Variants in ABCC4 observed in about 807,000 individuals in gnomAD.
The protein encoded by ABCC4 is ATP binding cassette subfamily C member 4 (PEL blood group), also known as ATP-binding cassette sub-family C member 4.
In ABCC4, 102 loss-of-function variants were observed where a neutral mutation model predicts 168.5. The ratio of observed to expected loss-of-function variants is 0.61; its 90% CI spans 0.52 to 0.71. The LOEUF is 0.71. Ranked by LOEUF, ABCC4 falls within the 30% of genes least tolerant of loss-of-function variation. ABCC4 has a pLI of 0.00. For synonymous variants in ABCC4, 617 were observed against 590.7 expected (o/e 1.04, Z -0.65); for missense variants, 1,402 against 1,605.8 (o/e 0.87, Z 2.17).
chr13:95,196,680 GGAA>G (rs2038455567), intron 8 of ABCC4, among the ~76,000 whole-genome samples: 2 of 40,504 alleles, frequency 4.9e-5, no homozygotes, highest in African/African-American at 2.0e-4. Context: ...AAGGAAGGAA[GGAA>G]GGAAGGAAGG....
chr13:95,140,482 A>G (rs752492809), intron 19 of ABCC4, among the ~76,000 whole-genome samples: 2 of 152,260 alleles, frequency 1.3e-5, no homozygotes, highest in Non-Finnish European at 2.9e-5. Context: ...ACAGATAGTT[A>G]AAAAGATATC....
intron 29 of ABCC4, among the ~76,000 whole-genome samples, chr13:95,041,189 A>C (rs2032342717): frequency 6.6e-6 from 1 of 152,266 alleles, no homozygotes; most frequent in African/African-American, 2.4e-5. Context: ...AATGAAGATT[A>C]AATTAGCTGT....
chr13:95,085,447 A>AAAAC (rs760172961), intron 20 of ABCC4, among the ~76,000 whole-genome samples: 9 of 152,220 alleles, frequency 5.9e-5, no homozygotes, highest in Admixed American at 2.0e-4. Flanking sequence ...CTCAAAAAAC[A>AAAAC]AAACAAACAA....
At chr13:95,132,944 G>A (rs182532117) in intron 19 of ABCC4, among the ~76,000 whole-genome samples, 2 of 152,108 alleles carry the variant, frequency 1.3e-5, no homozygotes, top group Non-Finnish European at 2.9e-5. Flanking sequence ...GTGTTTAATG[G>A]GTCCTGGGTT....
chr13:95,118,564 C>T (rs1265616832), intron 19 of ABCC4, among the ~76,000 whole-genome samples: 11 of 152,116 alleles, frequency 7.2e-5, no homozygotes, highest in African/African-American at 2.2e-4. Flanking sequence ...CATCTGGCTT[C>T]GCAGTAAACT....
chr13:95,098,069 G>A (rs935054916), intron 20 of ABCC4, among the ~76,000 whole-genome samples: 1 of 150,962 alleles, frequency 6.6e-6, no homozygotes. Context: ...CTGGGAGGTG[G>A]AGGTTGCAGT....
intron 11 of ABCC4, among the ~76,000 whole-genome samples, chr13:95,181,672 A>G (rs1014537138): frequency 2.0e-5 from 3 of 152,198 alleles, no homozygotes; most frequent in African/African-American, 7.2e-5. Flanking sequence ...ACAACCTGCC[A>G]AGTAAGTAGT....
chr13:95,072,834 C>G lies in ABCC4; in HGVS notation c.3018+370G>C, dbSNP rs145527616. Among the ~76,000 whole-genome samples, 4 of 152,276 alleles carry G rather than the reference C, an allele frequency of 2.6e-5. No homozygotes were observed. In the East Asian group the frequency reaches 5.8e-4, roughly 22 times the overall value. ...CCTATTAATTAAATGTAAACAACCTCAAAATACTGAAGTCTTCTTTTAACA... is the reference window on the plus strand; with the variant it reads ...CCTATTAATTAAATGTAAACAACCTGAAAATACTGAAGTCTTCTTTTAACA... On this transcript the variant is annotated intron_variant, in intron 24 of 30. Transcript: ENST00000645237.
intron 19 of ABCC4, among the ~76,000 whole-genome samples, chr13:95,126,547 C>T (rs2035766156): frequency 6.6e-6 from 1 of 151,550 alleles, no homozygotes; most frequent in Non-Finnish European, 1.5e-5. Context: ...CCTCCCACTA[C>T]CCACCCTATG....
intron 19 of ABCC4, among the ~76,000 whole-genome samples, chr13:95,150,664 A>G (rs2036644689): frequency 6.6e-6 from 1 of 152,196 alleles, no homozygotes; most frequent in Non-Finnish European, 1.5e-5. Flanking sequence ...TGATAACATT[A>G]CTTACAGGGA....
At chr13:95,047,218 A>G (rs2032614059) in intron 27 of ABCC4, among the ~76,000 whole-genome samples, 1 of 152,186 alleles carries the variant, frequency 6.6e-6, no homozygotes, top group Admixed American at 6.5e-5. Flanking sequence ...GACACACAGC[A>G]TGGGTATGAG....
At chr13:95,037,101 A>C (rs970030590) in intron 29 of ABCC4, among the ~76,000 whole-genome samples, 1 of 151,252 alleles carries the variant, frequency 6.6e-6, no homozygotes, top group African/African-American at 2.4e-5. Context: ...AAAAAAAAAA[A>C]ACCCCAAAAT....
chr13:95,066,139 C>A (rs2033534386), intron 25 of ABCC4, among the ~76,000 whole-genome samples: 1 of 152,166 alleles, frequency 6.6e-6, no homozygotes, highest in Non-Finnish European at 1.5e-5. Flanking sequence ...CTCAGAGATG[C>A]CTAATTCTTC....
intron 1 of ABCC4, among the ~76,000 whole-genome samples, chr13:95,287,094 T>C (rs749022176): frequency 3.4e-4 from 51 of 151,100 alleles, no homozygotes; most frequent in Non-Finnish European, 6.6e-4. Context: ...AGCTCAGCAG[T>C]TTGAAACCAG....
At chr13:95,151,258 T>C (rs775968374) in intron 19 of ABCC4, among the ~76,000 whole-genome samples, 1 of 152,064 alleles carries the variant, frequency 6.6e-6, no homozygotes, top group Non-Finnish European at 1.5e-5. Flanking sequence ...GGCAGATCAC[T>C]TGAGGTCAGG....
intron 26 of ABCC4, among the ~76,000 whole-genome samples, chr13:95,058,586 A>AAAAG (rs2033159159): frequency 1.3e-5 from 1 of 77,630 alleles, no homozygotes; most frequent in African/African-American, 4.7e-5. Flanking sequence ...AAAAAAAAAA[A>AAAAG]AAAAAAGAAA....
intron 20 of ABCC4, among the ~76,000 whole-genome samples, chr13:95,090,705 T>C (rs2034404565): frequency 6.6e-6 from 1 of 152,152 alleles, no homozygotes; most frequent in South Asian, 2.1e-4. Flanking sequence ...ACTCTGATAA[T>C]GTGACAAAAT....
intron 4 of ABCC4, among the ~76,000 whole-genome samples, chr13:95,221,537 T>C (rs1323183423): frequency 6.6e-6 from 1 of 152,164 alleles, no homozygotes; most frequent in Admixed American, 6.5e-5. Flanking sequence ...CCGTTATGTA[T>C]ATTTTACCAC....
intron 19 of ABCC4, 90 bp downstream of exon 19, chr13:95,161,099 C>T (rs1349707942): frequency 1.0e-5 from 9 of 862,520 alleles, no homozygotes; most frequent in Admixed American, 4.0e-5. Flanking sequence ...TTCCCAGCAT[C>T]CCTTCCATTT....
Sources: allele counts gnomAD v4.1 joint callset (sites outside exome capture counted in the v4.1 genomes callset), GRCh38; gene constraint gnomAD v4.1.1; transcripts MANE v1.5; gene names NCBI Gene and HGNC (gene_info 2026-07-23, HGNC 2026-07-21).